CIC: variants seen among roughly 807,000 people sequenced by gnomAD.
The protein encoded by CIC is capicua transcriptional repressor.
In CIC, 18 loss-of-function variants were observed where a neutral mutation model predicts 115.7. That is an observed-to-expected ratio of 0.16 (90% CI 0.11 to 0.23). CIC has a LOEUF of 0.23. Ranked by LOEUF, CIC falls within the 10% of genes least tolerant of loss-of-function variation. The pLI is 1.00. For missense variants in CIC, 2,000 were observed against 2,159.3 expected, an observed-to-expected ratio of 0.93 and a Z score of 1.46; for synonymous variants, 1,076 against 923.0, an observed-to-expected ratio of 1.17 and a Z score of -3.01.
chr19:42,289,324 T>C lies in CIC; in HGVS notation c.4005T>C (p.Ser1335=), dbSNP rs1465699637. 2 of 1,613,940 alleles carry C rather than the reference T, an allele frequency of 1.2e-6. No individual in the cohort carries two copies. Among genetic ancestry groups the C allele is most frequent in the Middle Eastern group, 1.6e-4 (1 of 6,072 alleles). ...PPLLPTRASR[S]QRAASEDMTS... is the part of the protein sequence containing the mutation. The stretch of plus-strand genomic sequence containing the variant: ...TGCTGCCCACCCGAGCTTCTCGTTC[T>C]CAGCGTGCGGCCAGTGAGGACATGA... Residue 1335 remains serine, a synonymous_variant, in exon 9 of 21, where the codon TCT becomes TCC. Coordinates refer to ENST00000681038, the MANE Select transcript of CIC (RefSeq NM_001386298.1).
rs137944011 is a variant in CIC, at chr19:42,290,457, T to A, written c.4416T>A (p.Gly1472=). 6.2e-7 allele frequency: 1 copy of A among 1,613,968 alleles called. No individual in the cohort carries two copies. The highest frequency in any genetic ancestry group is 8.5e-7 in the Non-Finnish European group (1 of 1,179,932). Residue 1472 remains glycine, a synonymous_variant, in exon 11 of 21, where the codon GGT becomes GGA. Coordinates refer to ENST00000681038, the MANE Select transcript of CIC (RefSeq NM_001386298.1). ...GSGTFKAQES[G]QGSTAGPLRP... Reference sequence around the variant, plus strand: ...GAACCTTCAAGGCCCAGGAGTCTGGTCAGGGCAGCACAGCGGGCCCCCTAC... The same window carrying A: ...GAACCTTCAAGGCCCAGGAGTCTGGACAGGGCAGCACAGCGGGCCCCCTAC...
chr19:42,292,008 C>G, intron 12 of CIC, 78 bp from the exon 13 acceptor site: 2 of 1,600,158 alleles, frequency 1.2e-6, no homozygotes, highest in Non-Finnish European at 8.5e-7. Flanking sequence ...GCTTAGAGTC[C>G]CACTTGAGGT....
In CIC at chr19:42,292,823, ACCCCAG is replaced by A. The variant is rs1442585823; in HGVS notation, c.6165_6170del (p.Ala2056_Pro2057del). 1.2e-6 allele frequency: 2 copies of A among 1,612,946 alleles called. No individual in the cohort carries two copies. The highest frequency in any genetic ancestry group is 1.7e-6 in the Non-Finnish European group (2 of 1,179,816). The stretch of plus-strand genomic sequence containing the variant: ...GGGCCCGCCAGCCCCTGCCACTGCC[ACCCCAG>A]CCCCGACTAGCCCTTTCCCCAGCGC... On this transcript the variant is annotated inframe_deletion, in exon 15 of 21. Transcript: ENST00000681038.
intron 19 of CIC, 31 bp from the exon 20 acceptor site, chr19:42,294,573 A>G (rs1025685602): frequency 6.2e-7 from 1 of 1,612,226 alleles, no homozygotes; most frequent in Non-Finnish European, 8.5e-7. Context: ...CCGCTGCTGC[A>G]GCCTTGCCAT....
rs930640206 is a variant in CIC at position 42,291,377 on chromosome 19, C to G, written c.5336C>G (p.Thr1779Ser). ...ATCCGTTTCACCCTCCCACCGGGCA[C>G]TTCCACCAACGGCAAAGTCCTGGCT... ...TSIRFTLPPGTSTNGKVLAAT... is the reference protein window; with the variant it reads ...TSIRFTLPPGSSTNGKVLAAT... The change falls in exon 11 of 21, where the codon ACT becomes AGT. Residue 1779 changes from threonine to serine, a missense_variant. Thr to Ser is a moderately conservative substitution (Grantham distance 58). Transcript: ENST00000681038. 3.7e-6 allele frequency: 6 copies of G among 1,612,568 alleles called. No individual in the cohort carries two copies. The highest frequency in any genetic ancestry group is 5.1e-6 in the Non-Finnish European group (6 of 1,179,756).
Position 42,295,143 on chromosome 19 carries a change from G to GGGGCC in CIC, c.7506_7507insGGGCC (p.Pro2503GlyfsTer28). 104 of 1,382,288 alleles carry GGGGCC rather than the reference G, an allele frequency of 7.5e-5. No homozygotes were observed. The highest frequency in any genetic ancestry group is 9.4e-5 in the Non-Finnish European group (97 of 1,037,420). 85.6% of individuals were successfully genotyped at this position (1,382,288 alleles called of 1,614,324 possible). A position where few individuals can be genotyped will look rare whatever the true frequency, so the allele number is the denominator to read the frequency against. ...AGCCTGGCTGGGAGGGGGCTCCCCA[G>GGGGCC]CCCTCCCCCCCACCCCCAGGTCCCT... On this transcript the variant is annotated frameshift_variant, in exon 21 of 21. Transcript: ENST00000681038. LOFTEE classifies it high-confidence loss of function.
Position 42,273,188 on chromosome 19 carries a change from C to G in CIC, c.1405C>G (p.Arg469Gly). ...GGAAAAGGGGACAGCACCGGCAGCC[C>G]GGGCCCGCACGCCACTGACAGCCGC... Reference protein sequence around the residue: ...SLEKGTAPAARARTPLTAAQQ... With the variant: ...SLEKGTAPAAGARTPLTAAQQ... The change falls in exon 2 of 21, where the codon CGG becomes GGG. Residue 469 changes from arginine to glycine, a missense_variant. Arg to Gly is a moderately radical substitution (Grantham distance 125). Transcript: ENST00000681038. 2.5e-6 allele frequency: 1 copy of G among 398,716 alleles called. No homozygotes were observed. Among genetic ancestry groups the G allele is most frequent in the East Asian group, 3.6e-5 (1 of 28,064 alleles). The allele number at this position is 398,716 out of a possible 1,614,324, so 24.7% of individuals were successfully genotyped here. A position where few individuals can be genotyped will look rare whatever the true frequency, so the allele number is the denominator to read the frequency against.
At position 42,287,069 on chromosome 19, in the gene CIC, C is replaced by T. The variant is rs2147178116; in HGVS notation, c.3008C>T (p.Pro1003Leu). Residue 1003 changes from proline (P) to leucine (L), a missense_variant, in exon 4 of 21, where the codon CCT becomes CTT. Pro to Leu is a moderately conservative substitution (Grantham distance 98, BLOSUM62 -3). Coordinates refer to ENST00000681038, the MANE Select transcript of CIC (RefSeq NM_001386298.1). This position sits in a 1 kb window ranked among gnomAD's most constrained non-coding sequence, Gnocchi z 8.7. ...CCAGGTGGGACAGGGAGTGCTGACC[C>T]TGAGCGGCCCCCTGGAGCCACATGC... ...RPPGGTGSAD[P>L]ERPPGATCPE... 2 of 1,612,898 alleles carry T rather than the reference C, an allele frequency of 1.2e-6. No individual in the cohort carries two copies. The highest frequency in any genetic ancestry group is 1.7e-6 in the Non-Finnish European group (2 of 1,179,988).
Position 42,280,307 on chromosome 19 carries a change from A to G in CIC, c.2794+5730A>G, listed in dbSNP as rs80323418. On this transcript the variant is annotated intron_variant, in intron 2 of 20. Coordinates refer to ENST00000681038, the MANE Select transcript of CIC (RefSeq NM_001386298.1). The surrounding 1 kb of genome is among the most constrained non-coding windows in gnomAD (Gnocchi z 4.9). ...TGCCACCTCGCGGCTGCAAGATGCT[A>G]TCCCCCCTCTGAGCCTGTTTCTTGC... The G allele has an allele frequency of 6.6e-6, 1 of 152,304 alleles. No homozygotes were observed. Among genetic ancestry groups the G allele is most frequent in the Non-Finnish European group, 1.5e-5 (1 of 68,028 alleles). 9.4% of individuals were successfully genotyped at this position (152,304 alleles called of 1,614,324 possible). A position where few individuals can be genotyped will look rare whatever the true frequency, so the allele number is the denominator to read the frequency against.
rs749413984 is a variant in CIC at position 42,291,699 on chromosome 19, C to A, written c.5567C>A (p.Pro1856Gln). 1 of 1,613,020 alleles carries A rather than the reference C, an allele frequency of 6.2e-7. No individual in the cohort carries two copies. Among genetic ancestry groups the A allele is most frequent in the Non-Finnish European group, 8.5e-7 (1 of 1,180,016 alleles). ...GAGQPLPLVS[P>Q]PFSVPVQNGA... ...GGCCAGCCACTGCCACTGGTGAGCC[C>A]GCCCTTCTCAGTACCTGTGCAGAAT... The change falls in exon 12 of 21, where the codon CCG becomes CAG. Residue 1856 changes from proline (P) to glutamine (Q), a missense_variant. Around this residue, in one of 8 missense-constraint regions of CIC, gnomAD observed 1,466 missense variants for 1,390.4 expected, o/e 1.05. Coordinates refer to ENST00000681038, the MANE Select transcript of CIC (RefSeq NM_001386298.1).
intron 2 of CIC, chr19:42,284,014 G>A (rs1416687284): frequency 6.7e-6 from 1 of 149,218 alleles, no homozygotes; most frequent in Non-Finnish European, 1.5e-5. Context: ...AAGCGGGGAA[G>A]GGGCGGGGGG....
At chr19:42,288,012 C>T (rs2147208978) in intron 7 of CIC, 37 bp downstream of exon 7, 1 of 1,559,598 alleles carries the variant, frequency 6.4e-7, no homozygotes, top group Non-Finnish European at 8.7e-7. Flanking sequence ...CCTGCCACCT[C>T]CCTCCCCGAG....
At chr19:42,277,219 C>T (rs1599858535) in intron 2 of CIC, among the ~76,000 whole-genome samples, 1 of 152,282 alleles carries the variant, frequency 6.6e-6, no homozygotes, top group East Asian at 1.9e-4. Flanking sequence ...CCGGGTCCTC[C>T]AGCTAGGAAG....
At chr19:42,278,208 G>A (rs755653943) in intron 2 of CIC, among the ~76,000 whole-genome samples, 6 of 152,238 alleles carry the variant, frequency 3.9e-5, no homozygotes, top group Non-Finnish European at 5.9e-5. Flanking sequence ...GAATCTTCCC[G>A]CCTGCTCCCC....
chr19:42,275,960 C>T (rs1483242294), intron 2 of CIC, among the ~76,000 whole-genome samples: 1 of 152,156 alleles, frequency 6.6e-6, no homozygotes, highest in Non-Finnish European at 1.5e-5. Flanking sequence ...CCTCCCTAGA[C>T]AGTAACAGTC....
chr19:42,275,361 G>A lies in CIC; in HGVS notation c.2794+784G>A, dbSNP rs2036934114. Among the ~76,000 whole-genome samples the A allele has an allele frequency of 2.0e-5, 3 of 152,252 alleles. 1 individual carries two copies. Among genetic ancestry groups the A allele is most frequent in the Admixed American group, 2.0e-4 (3 of 15,288 alleles). On this transcript the variant is annotated intron_variant, in intron 2 of 20. Transcript: ENST00000681038. ...CTTCTCCAGGTGTGAATCTAGCCTG[G>A]CTACACTGAGGACAGGGCGTGTAAG...
At chr19:42,285,568 CCT>C (rs993741217) in intron 2 of CIC, among the ~76,000 whole-genome samples, 1 of 152,246 alleles carries the variant, frequency 6.6e-6, no homozygotes, top group Non-Finnish European at 1.5e-5. Flanking sequence ...AGAGCTCCCC[CCT>C]GTCCAGGCTT....
Position 42,270,357 on chromosome 19 carries a change from A to G in CIC, c.-11+976A>G, listed in dbSNP as rs2036732647. Among the ~76,000 whole-genome samples the G allele has an allele frequency of 6.6e-6, 1 of 152,202 alleles. No individual in the cohort carries two copies. Among genetic ancestry groups the G allele is most frequent in the Non-Finnish European group, 1.5e-5 (1 of 68,010 alleles). On this transcript the variant is annotated intron_variant, in intron 1 of 20. Coordinates refer to ENST00000681038, the MANE Select transcript of CIC (RefSeq NM_001386298.1). The surrounding 1 kb of genome is among the most constrained non-coding windows in gnomAD (Gnocchi z 4.1). ...GAGAGCATGAGGTCAAGGGTCCCCC[A>G]GTAGCTGGAAGACTGAGTCGGGGTT...
Position 42,272,839 on chromosome 19 carries a change from C to A in CIC, c.1056C>A (p.Pro352=), listed in dbSNP as rs1173399250. ...AACCTGAGACCATGCTGAGGAAGCC[C>A]CCTACAGGCCCTGAGGAAGAGCAGG... ...PWEPETMLRK[P]PTGPEEEQAE... is the part of the protein sequence containing the mutation. The change falls in exon 2 of 21, where the codon CCC becomes CCA. Residue 352 remains proline, a synonymous_variant. Coordinates refer to ENST00000681038, the MANE Select transcript of CIC (RefSeq NM_001386298.1). The A allele has an allele frequency of 5.0e-6, 2 of 399,054 alleles. No individual in the cohort carries two copies. The highest frequency in any genetic ancestry group is 8.8e-6 in the Non-Finnish European group (2 of 226,510). 24.7% of individuals were successfully genotyped at this position (399,054 alleles called of 1,614,324 possible).
Sources: gnomAD v4.1 joint callset for allele counts (sites outside exome capture counted in the v4.1 genomes callset) on GRCh38, gnomAD v4.1.1 for gene constraint, gnomAD v4.1.1 regional missense constraint, Gnocchi (gnomAD v3.1) non-coding constraint, MANE v1.5 for transcripts, NCBI Gene and HGNC (gene_info 2026-07-23, HGNC 2026-07-21) for gene names.